Variants in SMCP observed in about 807,000 individuals in gnomAD.
SMCP encodes the protein sperm mitochondrial-associated cysteine-rich protein.
For synonymous variants in SMCP, 41 were observed against 46.9 expected, an observed-to-expected ratio of 0.87 and a Z score of 0.51; for missense variants, 137 against 137.1, an observed-to-expected ratio of 1.00 and a Z score of 0.01.
chr1:152,882,457 G>T (rs1288471073), intron 1 of SMCP, among the ~76,000 whole-genome samples: 1 of 152,190 alleles, frequency 6.6e-6, no homozygotes, highest in Non-Finnish European at 1.5e-5. Flanking sequence ...TAGAGGGCAA[G>T]TAGGGAGCAC....
chr1:152,878,529 T>C (rs907450972), intron 1 of SMCP, 83 bp downstream of exon 1: 1 of 152,632 alleles, frequency 6.6e-6, no homozygotes, highest in Non-Finnish European at 1.5e-5. Flanking sequence ...ATTTACCTAC[T>C]GAGACCCATG....
chr1:152,879,872 C>T (rs1417674134), intron 1 of SMCP, among the ~76,000 whole-genome samples: 2 of 152,086 alleles, frequency 1.3e-5, no homozygotes, highest in Admixed American at 6.5e-5. Flanking sequence ...GAGGCAAGCC[C>T]CTGGACCTGG....
chr1:152,883,635 C>A (rs1216102945), intron 1 of SMCP, among the ~76,000 whole-genome samples: 1 of 152,186 alleles, frequency 6.6e-6, no homozygotes, highest in Non-Finnish European at 1.5e-5. Flanking sequence ...CCAGTTCCCC[C>A]TTCCTCACCC....
intron 1 of SMCP, among the ~76,000 whole-genome samples, chr1:152,882,948 G>C (rs1169275985): frequency 6.6e-6 from 1 of 152,258 alleles, no homozygotes; most frequent in Non-Finnish European, 1.5e-5. Flanking sequence ...GGAGGCCGAG[G>C]CAGGAGAATC....
At chr1:152,881,024 A>C (rs1306792723) in intron 1 of SMCP, among the ~76,000 whole-genome samples, 1 of 732 alleles carries the variant, frequency 1.4e-3, no homozygotes, top group Non-Finnish European at 3.0e-3. Flanking sequence ...CCAATGGTTC[A>C]GAAAGTGAAA....
At chr1:152,884,050 C>T (rs546680850) in intron 1 of SMCP, among the ~76,000 whole-genome samples, 2 of 152,274 alleles carry the variant, frequency 1.3e-5, no homozygotes, top group Non-Finnish European at 2.9e-5. Context: ...GGCTGGTAGC[C>T]GTTATAACAT....
At chr1:152,882,214 A>G (rs990650487) in intron 1 of SMCP, among the ~76,000 whole-genome samples, 4 of 151,942 alleles carry the variant, frequency 2.6e-5, no homozygotes, top group Non-Finnish European at 4.4e-5. Context: ...CAGGTGATCC[A>G]CCTGCCTCGA....
intron 1 of SMCP, among the ~76,000 whole-genome samples, chr1:152,882,251 G>T (rs150931533): frequency 6.6e-6 from 1 of 152,174 alleles, no homozygotes; most frequent in South Asian, 2.1e-4. Context: ...GATTACAGAC[G>T]TGAGCCACTG....
chr1:152,881,926 A>G (rs978559771), intron 1 of SMCP, among the ~76,000 whole-genome samples: 3 of 152,214 alleles, frequency 2.0e-5, no homozygotes, highest in Admixed American at 6.5e-5. Context: ...CACAGAGCCA[A>G]ACCATATCAT....
chr1:152,884,417 CAGA>C lies in SMCP; in HGVS notation c.-2_1del, dbSNP rs764759898. The C allele has an allele frequency of 2.5e-6, 4 of 1,613,952 alleles. No homozygotes were observed. In the South Asian group the frequency reaches 3.3e-5, roughly 13 times the overall value. The stretch of plus-strand genomic sequence containing the variant: ...TCTTTTTCTAGTACCTCCAAGTGTT[CAGA>C]AGATGTGTGACCAGACAAAACACAG... On this transcript the variant is annotated 5_prime_UTR_variant, in exon 2 of 2. Coordinates refer to ENST00000368765, the MANE Select transcript of SMCP (RefSeq NM_030663.3).
chr1:152,882,173 G>GT (rs958406919), intron 1 of SMCP, among the ~76,000 whole-genome samples: 1 of 152,092 alleles, frequency 6.6e-6, no homozygotes, highest in Non-Finnish European at 1.5e-5. Context: ...GTTTCACCAT[G>GT]TTGGCCAGGC....
At chr1:152,881,410 C>G (rs531894464) in intron 1 of SMCP, among the ~76,000 whole-genome samples, 1 of 152,106 alleles carries the variant, frequency 6.6e-6, no homozygotes, top group African/African-American at 2.4e-5. Flanking sequence ...ACTACCCGGC[C>G]GGGCGCGGTG....
chr1:152,884,559 A>G lies in SMCP; in HGVS notation c.137A>G (p.Lys46Arg). 6.2e-7 allele frequency: 1 copy of G among 1,614,152 alleles called. No individual in the cohort carries two copies. The highest frequency in any genetic ancestry group is 1.1e-5 in the South Asian group (1 of 91,066). Residue 46 changes from lysine (K) to arginine (R), a missense_variant, in exon 2 of 2, where the codon AAA (lysine) becomes AGA (arginine). By Grantham distance (26) the Lys-to-Arg change is conservative. Coordinates refer to ENST00000368765, the MANE Select transcript of SMCP (RefSeq NM_030663.3). Reference protein sequence around the residue: ...PPKQNQCCQPKGSQCCPPKHN... With the variant: ...PPKQNQCCQPRGSQCCPPKHN... The stretch of plus-strand genomic sequence containing the variant: ...AAACAGAACCAGTGCTGCCAGCCAA[A>G]AGGCAGTCAATGCTGCCCACCAAAA...
At chr1:152,883,798 C>T (rs1649125135) in intron 1 of SMCP, among the ~76,000 whole-genome samples, 1 of 152,324 alleles carries the variant, frequency 6.6e-6, no homozygotes, top group South Asian at 2.1e-4. Flanking sequence ...CTTGCTGTAA[C>T]CACCACAGTG....
At position 152,884,506 on chromosome 1, in the gene SMCP, G is replaced by T; in HGVS notation, c.84G>T (p.Gln28His). 1 of 1,613,908 alleles carries T rather than the reference G, an allele frequency of 6.2e-7. No homozygotes were observed. Among genetic ancestry groups the T allele is most frequent in the Admixed American group, 1.7e-5 (1 of 59,982 alleles). The change falls in exon 2 of 2, where the codon CAG becomes CAT. Residue 28 changes from glutamine (Q) to histidine (H), a missense_variant. Physicochemically the swap from Gln to His is conservative, Grantham distance 24 (BLOSUM62 0). Coordinates refer to ENST00000368765, the MANE Select transcript of SMCP (RefSeq NM_030663.3). ...CACCACAGCAGAACCAGTGCTGCCA[G>T]TCAAAAGGCAATCAATGCTGCCCAC... ...CCPPQQNQCC[Q>H]SKGNQCCPPK...
chr1:152,880,112 T>C (rs866591079), intron 1 of SMCP, among the ~76,000 whole-genome samples: 42 of 151,658 alleles, frequency 2.8e-4, no homozygotes, highest in African/African-American at 9.0e-4. Context: ...CAGAGAATGA[T>C]AGAGAGGCAG....
intron 1 of SMCP, among the ~76,000 whole-genome samples, chr1:152,883,280 G>A (rs991328139): frequency 1.4e-4 from 21 of 152,108 alleles, no homozygotes; most frequent in African/African-American, 3.9e-4. Flanking sequence ...CTCATTTCCC[G>A]TGCTTCTACA....
rs1649152097 is a variant in SMCP, at chr1:152,884,521, A to G, written c.99A>G (p.Gln33=). The change falls in exon 2 of 2, where the codon CAA becomes CAG. Residue 33 remains glutamine (Q), a synonymous_variant. Coordinates refer to ENST00000368765, the MANE Select transcript of SMCP (RefSeq NM_030663.3). The part of the protein sequence containing the change: ...QNQCCQSKGN[Q]CCPPKQNQCC... The stretch of plus-strand genomic sequence containing the variant: ...AGTGCTGCCAGTCAAAAGGCAATCA[A>G]TGCTGCCCACCAAAACAGAACCAGT... 1.9e-6 allele frequency: 3 copies of G among 1,614,050 alleles called. No individual in the cohort carries two copies. Among genetic ancestry groups the G allele is most frequent in the East Asian group, 2.2e-5 (1 of 44,882 alleles).
intron 1 of SMCP, among the ~76,000 whole-genome samples, chr1:152,878,876 A>G (rs1236985339): frequency 6.6e-6 from 1 of 152,164 alleles, no homozygotes; most frequent in African/African-American, 2.4e-5. Context: ...AGACCCAGGA[A>G]GGGTGGTTTA....
Sources: gnomAD v4.1 joint callset for allele counts (sites outside exome capture counted in the v4.1 genomes callset) on GRCh38, gnomAD v4.1.1 for gene constraint, MANE v1.5 for transcripts, NCBI Gene and HGNC (gene_info 2026-07-23, HGNC 2026-07-21) for gene names.